USH2A: variants seen among roughly 807,000 people sequenced by gnomAD.
The protein encoded by USH2A is usherin, also known as Usher syndrome 2A (autosomal recessive, mild).
A neutral mutation model predicts 538.9 loss-of-function variants in USH2A; 443 were observed. That is an observed-to-expected ratio of 0.82 (90% confidence interval 0.76 to 0.89). The LOEUF (loss-of-function observed/expected upper bound fraction) is 0.89, where lower values mean the gene tolerates loss of function less well. Ranked by LOEUF, USH2A falls within the 40% of genes least tolerant of loss-of-function variation. USH2A has a pLI of 0.00. For synonymous variants in USH2A, 2,413 were observed against 2,273.5 expected (o/e 1.06, Z -1.75); for missense variants, 6,633 against 6,324.8 (o/e 1.05, Z -1.65).
intron 49 of USH2A, among the ~76,000 whole-genome samples, chr1:215,807,341 C>G (rs1440280869): frequency 6.6e-6 from 1 of 152,122 alleles, no homozygotes; most frequent in Non-Finnish European, 1.5e-5. Context: ...AGTGTCTGGT[C>G]ATGATTTATA....
chr1:215,889,567 T>C (rs533816320), intron 40 of USH2A, among the ~76,000 whole-genome samples: 18 of 152,302 alleles, frequency 1.2e-4, no homozygotes, highest in African/African-American at 4.3e-4. Flanking sequence ...TGTTTTGCAA[T>C]TTATCTACTC....
intron 15 of USH2A, among the ~76,000 whole-genome samples, chr1:216,216,005 A>C (rs915806874): frequency 6.6e-6 from 1 of 152,098 alleles, no homozygotes; most frequent in Non-Finnish European, 1.5e-5. Context: ...ATATTGTCAC[A>C]AAATTAGTGG....
intron 38 of USH2A, among the ~76,000 whole-genome samples, chr1:215,932,596 G>C (rs1212222817): frequency 6.6e-6 from 1 of 151,956 alleles, no homozygotes; most frequent in South Asian, 2.1e-4. Context: ...AATGAAAAAA[G>C]AAAGTATGTC....
intron 43 of USH2A, among the ~76,000 whole-genome samples, chr1:215,875,914 A>G (rs1487033846): frequency 2.1e-5 from 3 of 145,148 alleles, no homozygotes; most frequent in Non-Finnish European, 3.0e-5. Context: ...ATATAAATAT[A>G]TAATATATAT....
intron 35 of USH2A, among the ~76,000 whole-genome samples, chr1:215,978,245 T>A (rs1328489557): frequency 6.6e-6 from 1 of 152,184 alleles, no homozygotes. Flanking sequence ...GTTGTTGTCA[T>A]TGCTGTAAAG....
rs1432250248 is a variant in USH2A at position 215,878,909 on chromosome 1, C to T, written c.8413G>A (p.Gly2805Arg). ...ACSGGNGYLG[G>R]CTESLPTYVT... ...TAGGTAGGTAAACTCTCTGTGCACC[C>T]TCCAAGGTACCCATTACCCCCTGAG... Residue 2805 changes from glycine to arginine, a missense_variant, in exon 42 of 72, where the codon GGG becomes AGG. Gly to Arg is a moderately radical substitution (Grantham distance 125). Coordinates refer to ENST00000307340, the MANE Select transcript of USH2A (RefSeq NM_206933.4). The T allele has an allele frequency of 1.2e-6, 2 of 1,613,900 alleles. No homozygotes were observed. The highest frequency in any genetic ancestry group is 1.7e-6 in the Non-Finnish European group (2 of 1,179,972).
chr1:216,231,857 A>C, intron 14 of USH2A, 96 bp downstream of exon 14: 1 of 1,521,240 alleles, frequency 6.6e-7, no homozygotes, highest in East Asian at 2.3e-5. Flanking sequence ...CGGGCAAAAA[A>C]AATACTTTTT....
At chr1:216,150,645 C>T (rs2033811911) in intron 21 of USH2A, among the ~76,000 whole-genome samples, 1 of 152,108 alleles carries the variant, frequency 6.6e-6, no homozygotes, top group Non-Finnish European at 1.5e-5. Flanking sequence ...ACAGGTTCAG[C>T]AAGACTTCCC....
intron 46 of USH2A, among the ~76,000 whole-genome samples, chr1:215,838,752 A>T (rs1000821061): frequency 1.3e-5 from 2 of 152,196 alleles, no homozygotes; most frequent in Non-Finnish European, 2.9e-5. Context: ...CATTAGTCAC[A>T]CAAAAGGAAC....
At chr1:216,229,951 A>G (rs1359507890) in intron 14 of USH2A, among the ~76,000 whole-genome samples, 1 of 152,140 alleles carries the variant, frequency 6.6e-6, no homozygotes, top group African/African-American at 2.4e-5. Flanking sequence ...ATCAGATCTC[A>G]CTTAAAGAAA....
chr1:216,097,281 T>G, intron 21 of USH2A, 68 bp from the exon 22 acceptor site: 3 of 1,611,564 alleles, frequency 1.9e-6, no homozygotes, highest in Non-Finnish European at 2.5e-6. Flanking sequence ...TAAATGTACA[T>G]TTACTTTCAT....
intron 11 of USH2A, among the ~76,000 whole-genome samples, chr1:216,288,057 T>C (rs548710015): frequency 2.6e-5 from 4 of 152,276 alleles, no homozygotes; most frequent in African/African-American, 7.2e-5. Flanking sequence ...CATGGTGATA[T>C]GAAAGACTTG....
At chr1:215,757,972 T>C (rs1298968644) in intron 58 of USH2A, among the ~76,000 whole-genome samples, 1 of 152,172 alleles carries the variant, frequency 6.6e-6, no homozygotes, top group Non-Finnish European at 1.5e-5. Flanking sequence ...TTCTGACCTA[T>C]ATGACTTGCA....
chr1:216,373,707 C>CAA (rs1451972928), intron 3 of USH2A, among the ~76,000 whole-genome samples: 3 of 152,050 alleles, frequency 2.0e-5, no homozygotes, highest in African/African-American at 7.2e-5. Context: ...TCAATGACCC[C>CAA]AAAAAGTCTT....
chr1:216,394,012 G>C (rs924540931), intron 3 of USH2A, among the ~76,000 whole-genome samples: 2 of 152,118 alleles, frequency 1.3e-5, no homozygotes, highest in African/African-American at 4.8e-5. Context: ...TCACTAAAGA[G>C]GATACACACA....
intron 47 of USH2A, among the ~76,000 whole-genome samples, chr1:215,823,988 G>T (rs1302978605): frequency 6.6e-6 from 1 of 151,734 alleles, no homozygotes; most frequent in Non-Finnish European, 1.5e-5. Context: ...TTGAATTCTT[G>T]GTCATAGAGT....
intron 49 of USH2A, among the ~76,000 whole-genome samples, chr1:215,803,113 G>A (rs1662387988): frequency 6.6e-6 from 1 of 152,036 alleles, no homozygotes. Flanking sequence ...CAATAAATTA[G>A]GTATTGATGG....
intron 9 of USH2A, among the ~76,000 whole-genome samples, chr1:216,301,048 C>T (rs1449848779): frequency 2.0e-5 from 3 of 151,954 alleles, no homozygotes; most frequent in Non-Finnish European, 4.4e-5. Flanking sequence ...CCATGACAAG[C>T]CACACACTCA....
intron 64 of USH2A, among the ~76,000 whole-genome samples, chr1:215,651,978 C>A (rs1243878935): frequency 6.6e-6 from 1 of 152,180 alleles, no homozygotes; most frequent in Non-Finnish European, 1.5e-5. Context: ...TGCCAGGAGC[C>A]TCATTTTTTA....
Sources: gnomAD v4.1 joint callset for allele counts (sites outside exome capture counted in the v4.1 genomes callset) on GRCh38, gnomAD v4.1.1 for gene constraint, MANE v1.5 for transcripts, NCBI Gene and HGNC (gene_info 2026-07-23, HGNC 2026-07-21) for gene names.